Variants in FN3K observed in about 807,000 individuals in gnomAD.
FN3K encodes the protein fructosamine-3-kinase.
Under a neutral mutation model 24.8 loss-of-function variants are expected in FN3K, and 24 were observed. That is an observed-to-expected ratio of 0.97 (90% CI 0.70 to 1.36). FN3K has a LOEUF of 1.36. Ranked by LOEUF, FN3K falls within the 40% of genes most tolerant of loss-of-function variation. The probability of loss-of-function intolerance (pLI) is 0.00; values close to 1 mark genes in which losing one functional copy is unlikely to be tolerated. For synonymous variants in FN3K, 192 were observed against 175.2 expected (o/e 1.10, Z -0.76); for missense variants, 449 against 416.7 (o/e 1.08, Z -0.67).
intron 5 of FN3K, chr17:82,749,550 G>C (rs937643102): frequency 3.9e-5 from 7 of 181,372 alleles, no homozygotes; most frequent in Non-Finnish European, 8.2e-5. Flanking sequence ...TGTAATCCCA[G>C]CTACTCAGGA....
At chr17:82,742,475 A>G (rs1353103448) in intron 4 of FN3K, among the ~76,000 whole-genome samples, 1 of 152,342 alleles carries the variant, frequency 6.6e-6, no homozygotes, top group East Asian at 1.9e-4. Flanking sequence ...GTGGAAACAC[A>G]TAATATGTGA....
At chr17:82,747,078 C>T (rs1167279457) in intron 4 of FN3K, among the ~76,000 whole-genome samples, 2 of 152,114 alleles carry the variant, frequency 1.3e-5, no homozygotes, top group South Asian at 2.1e-4. Flanking sequence ...CTGCCTCGGC[C>T]TCCCAAAGTG....
Position 82,741,363 on chromosome 17 carries a change from C to G in FN3K, c.438C>G (p.His146Gln). The change falls in exon 4 of 6, where the codon CAC (histidine) becomes CAG (glutamine). Residue 146 changes from histidine to glutamine, a missense_variant. Physicochemically the swap from His to Gln is conservative, Grantham distance 24. Coordinates refer to ENST00000300784, the MANE Select transcript of FN3K (RefSeq NM_022158.4). Reference sequence around the variant, plus strand: ...AGTATGTGGACAAGTTCGGCTTCCACACGGTGACGTGCTGCGGCTTCATCC... The same window carrying G: ...AGTATGTGGACAAGTTCGGCTTCCAGACGGTGACGTGCTGCGGCTTCATCC... ...EPQYVDKFGF[H>Q]TVTCCGFIPQ... The G allele has an allele frequency of 6.2e-7, 1 of 1,613,916 alleles. No homozygotes were observed. The highest frequency in any genetic ancestry group is 8.5e-7 in the Non-Finnish European group (1 of 1,179,880).
rs1268355949 is a variant in FN3K at position 82,750,603 on chromosome 17, T to C, written c.778T>C (p.Phe260Leu). The C allele has an allele frequency of 6.2e-7, 1 of 1,614,094 alleles. No homozygotes were observed. Among genetic ancestry groups the C allele is most frequent in the Admixed American group, 1.7e-5 (1 of 60,014 alleles). ...LMFGGFPRSF[F>L]TAYHRKIPKA... is the part of the protein sequence containing the mutation. ...GTTTGGGGGGTTCCCCAGATCCTTC[T>C]TCACCGCCTACCACCGGAAGATCCC... The change falls in exon 6 of 6, where the codon TTC becomes CTC. Residue 260 changes from phenylalanine (F) to leucine (L), a missense_variant. Phe to Leu is a conservative substitution (Grantham distance 22). Transcript: ENST00000300784.
At chr17:82,738,356 A>G in intron 1 of FN3K, 133 bp from the exon 2 acceptor site, 1 of 1,265,030 alleles carries the variant, frequency 7.9e-7, no homozygotes, top group South Asian at 1.3e-5. Context: ...GGTGGACGCC[A>G]GCTCCCAGCC....
chr17:82,741,412 G>A lies in FN3K; in HGVS notation c.468+19G>A. 1 of 1,608,756 alleles carries A rather than the reference G, an allele frequency of 6.2e-7. No homozygotes were observed. The highest frequency in any genetic ancestry group is 8.5e-7 in the Non-Finnish European group (1 of 1,176,888). The stretch of plus-strand genomic sequence containing the variant: ...CCCGCAGGTGAGTGCCTGGGTGAGG[G>A]TGTTCCCTGATGCCCTAATGCTGGT... On this transcript the variant is annotated intron_variant, in intron 4 of 5. Transcript: ENST00000300784.
chr17:82,738,068 C>T (rs1361347944), intron 1 of FN3K: 2 of 183,056 alleles, frequency 1.1e-5, no homozygotes, highest in South Asian at 1.2e-4. Context: ...TTCTTCCCTG[C>T]CTGACGTGTG....
At chr17:82,743,742 C>G (rs2046953374) in intron 4 of FN3K, among the ~76,000 whole-genome samples, 1 of 152,242 alleles carries the variant, frequency 6.6e-6, no homozygotes, top group African/African-American at 2.4e-5. Context: ...AAGTGACATG[C>G]AGAGTTCATG....
chr17:82,736,337 C>T (rs1206878772), intron 1 of FN3K: 1 of 123,190 alleles, frequency 8.1e-6, no homozygotes, highest in Admixed American at 7.5e-5. Flanking sequence ...GAGTTCGAGA[C>T]CATCCTGGCC....
At chr17:82,746,018 C>T (rs2459705) in intron 4 of FN3K, among the ~76,000 whole-genome samples, 20,192 of 143,246 alleles carry the variant, frequency 0.14, 1,552 homozygotes, top group Non-Finnish European at 0.17. Context: ...GGCGTGAACT[C>T]GGGAGGTGGA....
chr17:82,748,840 T>G lies in FN3K; in HGVS notation c.469-15T>G. 6.2e-7 allele frequency: 1 copy of G among 1,606,676 alleles called. No homozygotes were observed. The highest frequency in any genetic ancestry group is 8.5e-7 in the Non-Finnish European group (1 of 1,178,242). ...TCCGAATTGCAACAGTGGCCTCTTT[T>G]CCCTTGTTGTCCAGGTGAATGAGTG... On this transcript the variant is annotated splice_polypyrimidine_tract_variant and intron_variant, in intron 4 of 5. Transcript: ENST00000300784.
At chr17:82,740,907 A>G in intron 3 of FN3K, 53 bp downstream of exon 3, 1 of 1,227,170 alleles carries the variant, frequency 8.1e-7, no homozygotes, top group Non-Finnish European at 1.2e-6. Context: ...TGTCTACCCT[A>G]GATGGGTGCT....
chr17:82,743,734 G>T (rs903581065), intron 4 of FN3K, among the ~76,000 whole-genome samples: 2 of 152,258 alleles, frequency 1.3e-5, no homozygotes, highest in African/African-American at 4.8e-5. Flanking sequence ...GATGAGGAAA[G>T]TGACATGCAG....
rs1429312038 is a variant in FN3K at position 82,735,979 on chromosome 17, C to T, written c.141+202C>T. 8.2e-5 allele frequency: 53 copies of T among 647,168 alleles called. No individual in the cohort carries two copies. In the South Asian group the frequency reaches 9.9e-4, roughly 12 times the overall value. 40.1% of individuals were successfully genotyped at this position (647,168 alleles called of 1,614,324 possible). ...TGCACGATCCGTGACCTTCCTTTGG[C>T]CTCCATGCGCAGCGCACAGGCTTCT... On this transcript the variant is annotated intron_variant, in intron 1 of 5. Transcript: ENST00000300784.
Position 82,750,605 on chromosome 17 carries a change from C to G in FN3K, c.780C>G (p.Phe260Leu). 6.2e-7 allele frequency: 1 copy of G among 1,614,118 alleles called. No individual in the cohort carries two copies. ...LMFGGFPRSF[F>L]TAYHRKIPKA... ...TTGGGGGGTTCCCCAGATCCTTCTTCACCGCCTACCACCGGAAGATCCCCA... is the reference window on the plus strand; with the variant it reads ...TTGGGGGGTTCCCCAGATCCTTCTTGACCGCCTACCACCGGAAGATCCCCA... The change falls in exon 6 of 6, where the codon TTC (phenylalanine) becomes TTG (leucine). Residue 260 changes from phenylalanine to leucine, a missense_variant. Coordinates refer to ENST00000300784, the MANE Select transcript of FN3K (RefSeq NM_022158.4).
At position 82,750,701 on chromosome 17, in the gene FN3K, C is replaced by A. The variant is rs763285633; in HGVS notation, c.876C>A (p.Phe292Leu). Residue 292 changes from phenylalanine to leucine, a missense_variant, in exon 6 of 6, where the codon TTC becomes TTA. Transcript: ENST00000300784. The part of the protein sequence containing the change: ...LFNYLNHWNH[F>L]GREYRSPSLG... ...ACTACCTGAACCACTGGAACCACTT[C>A]GGGCGGGAGTACAGGAGCCCTTCCT... The A allele has an allele frequency of 1.9e-6, 3 of 1,613,708 alleles. No individual in the cohort carries two copies. The highest frequency in any genetic ancestry group is 3.3e-5 in the Admixed American group (2 of 60,018).
intron 2 of FN3K, among the ~76,000 whole-genome samples, chr17:82,740,287 A>T (rs190897132): frequency 2.0e-5 from 3 of 152,208 alleles, no homozygotes; most frequent in African/African-American, 7.2e-5. Flanking sequence ...GTTGAAGCTC[A>T]CTTGGTTAAT....
Position 82,750,905 on chromosome 17 carries a change from T to TG in FN3K, c.*151dup. The TG allele has an allele frequency of 5.7e-6, 2 of 353,356 alleles. No individual in the cohort carries two copies. The highest frequency in any genetic ancestry group is 9.6e-5 in the Admixed American group (2 of 20,758). 21.9% of individuals were successfully genotyped at this position (353,356 alleles called of 1,614,324 possible). A position where few individuals can be genotyped will look rare whatever the true frequency, so the allele number is the denominator to read the frequency against. ...CCATCCCCCCGTCCCCCCATCCTCC[T>TG]GTCCCCGTCCCCCCGTCCCCGTCCC... On this transcript the variant is annotated 3_prime_UTR_variant, in exon 6 of 6. Transcript: ENST00000300784.
At chr17:82,750,300 G>C in intron 5 of FN3K, 117 bp from the exon 6 acceptor site, 1 of 905,096 alleles carries the variant, frequency 1.1e-6, no homozygotes, top group Non-Finnish European at 1.8e-6. Flanking sequence ...TTGGCAGGCA[G>C]TGCTGGGGCT....
Sources: gnomAD v4.1 joint callset for allele counts (sites outside exome capture counted in the v4.1 genomes callset) on GRCh38, gnomAD v4.1.1 for gene constraint, MANE v1.5 for transcripts, NCBI Gene and HGNC (gene_info 2026-07-23, HGNC 2026-07-21) for gene names.